The following CLPB variants were observed in gnomAD, a reference collection of about 807,000 sequenced individuals.
The protein encoded by CLPB is mitochondrial disaggregase.
In CLPB, 40 loss-of-function variants were observed where a neutral mutation model predicts 78.4. The observed-to-expected ratio is 0.51, with a 90% CI of 0.40 to 0.66. CLPB has a LOEUF of 0.66. CLPB is among the 30% of genes least tolerant of loss of function. The pLI is 0.00. For synonymous variants in CLPB, 333 were observed against 348.0 expected (o/e 0.96, Z 0.48); for missense variants, 780 against 886.9 (o/e 0.88, Z 1.53).
At chr11:72,378,590 G>A (rs1854795966) in intron 4 of CLPB, among the ~76,000 whole-genome samples, 1 of 152,188 alleles carries the variant, frequency 6.6e-6, no homozygotes, top group Admixed American at 6.5e-5. Flanking sequence ...ATAAATTCAA[G>A]TTGAGATTTG....
At position 72,380,266 on chromosome 11, in the gene CLPB, A is replaced by C; in HGVS notation, c.646+15T>G. The C allele has an allele frequency of 6.3e-7, 1 of 1,591,034 alleles. No homozygotes were observed. On this transcript the variant is annotated intron_variant, in intron 4 of 15. Transcript: ENST00000538039. ...AGAGGAGAGCTCTCAGAGAAGCAGG[A>C]CAGCCCACACTTACCTTCCAAAGAA...
chr11:72,429,468 G>A (rs193233915), intron 2 of CLPB, among the ~76,000 whole-genome samples: 1 of 152,310 alleles, frequency 6.6e-6, no homozygotes, highest in East Asian at 1.9e-4. Context: ...ACTGGGTGTG[G>A]AAATAGCCAC....
intron 5 of CLPB, chr11:72,336,661 T>C (rs1409381220): frequency 1.2e-5 from 2 of 160,156 alleles, no homozygotes; most frequent in African/African-American, 4.8e-5. Context: ...TTCATCCTCA[T>C]TGTCACTATT....
chr11:72,426,288 C>T (rs1856372749), intron 2 of CLPB, among the ~76,000 whole-genome samples: 1 of 152,210 alleles, frequency 6.6e-6, no homozygotes, highest in Non-Finnish European at 1.5e-5. Flanking sequence ...CAGGAGGCCT[C>T]ACTTTTCCCA....
At chr11:72,408,192 C>T in intron 2 of CLPB, 1 of 1,535,378 alleles carries the variant, frequency 6.5e-7, no homozygotes, top group South Asian at 1.2e-5. Flanking sequence ...TCATTCTTTG[C>T]AGTCTCTTGG....
intron 6 of CLPB, among the ~76,000 whole-genome samples, chr11:72,319,758 G>A (rs1421267478): frequency 6.6e-6 from 1 of 152,224 alleles, no homozygotes; most frequent in Non-Finnish European, 1.5e-5. Flanking sequence ...ATAGCATTAA[G>A]AGGTAGTCTG....
rs1855969223 is a variant in CLPB at position 72,414,674 on chromosome 11, T to C, written c.456-11622A>G. 2.0e-5 allele frequency among the ~76,000 whole-genome samples: 3 copies of C among 152,330 alleles called. No individual in the cohort carries two copies. In the South Asian group the frequency reaches 6.2e-4, roughly 32 times the overall value. ...ATGAATCTTGCCTACAAGGAGCTCT[T>C]ATTCTGAGCTGGAGGAGGGAAAATG... On this transcript the variant is annotated intron_variant, in intron 2 of 15. Coordinates refer to ENST00000538039, the MANE Select transcript of CLPB (RefSeq NM_001258392.3).
rs565687932 is a variant in CLPB, at chr11:72,331,501, A to G, written c.776-1697T>C. 1.2e-3 allele frequency among the ~76,000 whole-genome samples: 181 copies of G among 151,210 alleles called. 1 individual carries two copies. Among genetic ancestry groups the G allele is most frequent in the African/African-American group, 4.3e-3 (179 of 41,262 alleles). On this transcript the variant is annotated intron_variant, in intron 5 of 15. Transcript: ENST00000538039. ...AGCAATCCTCCTGCCTTGACCTCCC[A>G]AACTGCTGGGATTACAGGCGTGGGC...
chr11:72,314,527 G>A (rs1949905053), intron 7 of CLPB, among the ~76,000 whole-genome samples: 1 of 152,080 alleles, frequency 6.6e-6, no homozygotes, highest in Admixed American at 6.5e-5. Flanking sequence ...GGGCTCTGGG[G>A]CCATTCCCTA....
chr11:72,305,150 T>G (rs1287150863), intron 9 of CLPB, among the ~76,000 whole-genome samples: 2 of 152,206 alleles, frequency 1.3e-5, no homozygotes, highest in African/African-American at 4.8e-5. Flanking sequence ...CTGGCAAGTT[T>G]CCAATCCAGC....
chr11:72,418,495 A>G (rs563504282), intron 2 of CLPB, among the ~76,000 whole-genome samples: 1 of 152,384 alleles, frequency 6.6e-6, no homozygotes, highest in South Asian at 2.1e-4. Context: ...CAATGGTCAC[A>G]GCCAGGATTC....
In CLPB at chr11:72,285,665, G is replaced by C. The variant is rs926140855; in HGVS notation, c.*7702C>G. ...ATTTATTAAGTATAATTTTGAACAG[G>C]TAATACATTAATATGGTTCAAAGCT... On this transcript the variant is annotated 3_prime_UTR_variant, in exon 16 of 16. Coordinates refer to ENST00000538039, the MANE Select transcript of CLPB (RefSeq NM_001258392.3). The C allele has an allele frequency of 6.6e-6, 1 of 151,996 alleles. No homozygotes were observed. Among genetic ancestry groups the C allele is most frequent in the Admixed American group, 6.6e-5 (1 of 15,248 alleles). The allele number at this position is 151,996 out of a possible 1,614,324, so 9.4% of individuals were successfully genotyped here. A position where few individuals can be genotyped will look rare whatever the true frequency, so the allele number is the denominator to read the frequency against.
chr11:72,314,759 G>A (rs970180011), intron 7 of CLPB, among the ~76,000 whole-genome samples: 1 of 151,858 alleles, frequency 6.6e-6, no homozygotes. Context: ...GGAAGGGCCA[G>A]AAGGGAAGGA....
chr11:72,389,300 T>C (rs1855176137), intron 3 of CLPB, among the ~76,000 whole-genome samples: 1 of 152,140 alleles, frequency 6.6e-6, no homozygotes, highest in Non-Finnish European at 1.5e-5. Flanking sequence ...GAGTGAGCAA[T>C]AAGAACCAAA....
chr11:72,316,788 T>G (rs954714645), intron 7 of CLPB, among the ~76,000 whole-genome samples: 4 of 151,790 alleles, frequency 2.6e-5, no homozygotes, highest in African/African-American at 9.7e-5. Context: ...AAAAATGGAG[T>G]TGAGGGTAGC....
chr11:72,422,265 C>CAA (rs71469431), intron 2 of CLPB, among the ~76,000 whole-genome samples: 2,956 of 24,886 alleles, frequency 0.12, 486 homozygotes, highest in African/African-American at 0.22. Context: ...GACTCCGTCT[C>CAA]AAAAAAAAAA....
chr11:72,300,483 C>T (rs1250192074), intron 11 of CLPB, among the ~76,000 whole-genome samples: 1 of 152,164 alleles, frequency 6.6e-6, no homozygotes, highest in African/African-American at 2.4e-5. Flanking sequence ...AGTATGTGAC[C>T]TCTGAAGGAC....
At chr11:72,345,537 T>A (rs1248146274) in intron 5 of CLPB, among the ~76,000 whole-genome samples, 1 of 152,178 alleles carries the variant, frequency 6.6e-6, no homozygotes, top group African/African-American at 2.4e-5. Flanking sequence ...GCTAATTATT[T>A]ACAAGGGGTC....
intron 4 of CLPB, among the ~76,000 whole-genome samples, chr11:72,367,389 C>A (rs1219016426): frequency 6.6e-6 from 1 of 152,176 alleles, no homozygotes; most frequent in Non-Finnish European, 1.5e-5. Context: ...GTCTTGAAAT[C>A]CTGACCTCAA....
Sources: gnomAD v4.1 joint callset for allele counts (sites outside exome capture counted in the v4.1 genomes callset) on GRCh38, gnomAD v4.1.1 for gene constraint, MANE v1.5 for transcripts, NCBI Gene and HGNC (gene_info 2026-07-23, HGNC 2026-07-21) for gene names.